The following DCAF5 variants were observed in gnomAD, a reference collection of about 807,000 sequenced individuals.
The protein encoded by DCAF5 is DDB1- and CUL4-associated factor 5.
Under a neutral mutation model 80.7 loss-of-function variants are expected in DCAF5, and 9 were observed. That is an observed-to-expected ratio of 0.11 (90% CI 0.07 to 0.19). The LOEUF (loss-of-function observed/expected upper bound fraction) is 0.19, where lower values mean the gene tolerates loss of function less well. Ranked by LOEUF, DCAF5 falls within the 10% of genes least tolerant of loss-of-function variation. DCAF5 has a pLI of 1.00. For synonymous variants in DCAF5, 433 were observed against 461.9 expected (o/e 0.94, Z 0.80); for missense variants, 842 against 1,205.7 (o/e 0.70, Z 4.47).
chr14:69,142,115 T>G (rs1249481005), intron 1 of DCAF5, among the ~76,000 whole-genome samples: 1 of 152,114 alleles, frequency 6.6e-6, no homozygotes, highest in African/African-American at 2.4e-5. Flanking sequence ...GGCAAAATAG[T>G]GAGATCCTGT....
Position 69,072,005 on chromosome 14 carries a change from T to C in DCAF5, c.946+3340A>G, listed in dbSNP as rs116948447. Among the ~76,000 whole-genome samples, 677 of 152,258 alleles carry C rather than the reference T, an allele frequency of 4.4e-3. 2 individuals are homozygous for C. Among genetic ancestry groups the C allele is most frequent in the Middle Eastern group, 0.01 (3 of 294 alleles). ...GAAGTCTGGGGGTTGCCAATTGACA[T>C]TGACCCAAAGAGGTTTTAGATTGGC... On this transcript the variant is annotated intron_variant, in intron 7 of 8. Coordinates refer to ENST00000341516, the MANE Select transcript of DCAF5 (RefSeq NM_003861.3).
At chr14:69,073,897 G>C (rs1489339097) in intron 7 of DCAF5, among the ~76,000 whole-genome samples, 3 of 152,158 alleles carry the variant, frequency 2.0e-5, no homozygotes, top group African/African-American at 7.2e-5. Context: ...GAATTACAGG[G>C]GTGGGAGACT....
intron 5 of DCAF5, among the ~76,000 whole-genome samples, chr14:69,096,529 A>G (rs1354461507): frequency 6.6e-6 from 1 of 152,204 alleles, no homozygotes; most frequent in East Asian, 1.9e-4. Flanking sequence ...CCCTTTCATG[A>G]AGCACATATG....
intron 1 of DCAF5, among the ~76,000 whole-genome samples, chr14:69,125,329 T>A (rs1283742184): frequency 1.3e-5 from 2 of 152,210 alleles, no homozygotes; most frequent in Admixed American, 6.5e-5. Context: ...AACTGGCCCC[T>A]GGAGTAAACT....
At chr14:69,092,355 G>A (rs1389465808) in intron 5 of DCAF5, among the ~76,000 whole-genome samples, 1 of 152,154 alleles carries the variant, frequency 6.6e-6, no homozygotes. Flanking sequence ...AGTGGTTCAG[G>A]CCTTTAATCC....
chr14:69,112,860 C>T (rs957534750), intron 5 of DCAF5, among the ~76,000 whole-genome samples: 7 of 152,132 alleles, frequency 4.6e-5, no homozygotes, highest in African/African-American at 1.7e-4. Flanking sequence ...GGTGTACTAC[C>T]TGGATCTGTA....
chr14:69,137,232 G>A (rs1047179721), intron 1 of DCAF5, among the ~76,000 whole-genome samples: 1 of 152,064 alleles, frequency 6.6e-6, no homozygotes, highest in Admixed American at 6.5e-5. Flanking sequence ...AATAGAGCTG[G>A]GGGACACTAA....
At chr14:69,083,598 T>C in intron 6 of DCAF5, 1 of 507,892 alleles carries the variant, frequency 2.0e-6, no homozygotes, top group Non-Finnish European at 3.7e-6. Context: ...TATCAGATGC[T>C]CAAAATGGAG....
intron 5 of DCAF5, among the ~76,000 whole-genome samples, chr14:69,094,755 G>C (rs2039641835): frequency 6.6e-6 from 1 of 152,150 alleles, no homozygotes; most frequent in African/African-American, 2.4e-5. Flanking sequence ...CTGGCTTCAA[G>C]TGTAAGATGC....
chr14:69,138,302 C>A lies in DCAF5; in HGVS notation c.214+14463G>T, dbSNP rs148816950. Among the ~76,000 whole-genome samples, 650 of 152,266 alleles carry A rather than the reference C, an allele frequency of 4.3e-3. 6 individuals carry two copies. The highest frequency in any genetic ancestry group is 0.027 in the Middle Eastern group (8 of 294). On this transcript the variant is annotated intron_variant, in intron 1 of 8. Coordinates refer to ENST00000341516, the MANE Select transcript of DCAF5 (RefSeq NM_003861.3). ...GCATCTGGATTTGCAAAGAATTCCT[C>A]CTCCTGAGTAATGTTCTTGGAAGGA...
intron 5 of DCAF5, among the ~76,000 whole-genome samples, chr14:69,099,256 A>ACACC (rs1475152835): frequency 2.8e-5 from 2 of 72,636 alleles, no homozygotes; most frequent in Non-Finnish European, 5.4e-5. Context: ...GTCTCAACAC[A>ACACC]CACACACACA....
chr14:69,059,108 A>T (rs943308709), intron 8 of DCAF5, among the ~76,000 whole-genome samples: 1 of 152,108 alleles, frequency 6.6e-6, no homozygotes, highest in Non-Finnish European at 1.5e-5. Flanking sequence ...TATTTTTGGG[A>T]AAGGGTCTCA....
intron 1 of DCAF5, among the ~76,000 whole-genome samples, chr14:69,141,058 C>T (rs1002873739): frequency 2.1e-5 from 3 of 145,142 alleles, no homozygotes; most frequent in Non-Finnish European, 3.0e-5. Flanking sequence ...TGCTTGAACT[C>T]GGGAGGTGAA....
chr14:69,070,779 T>C (rs868604959), intron 7 of DCAF5, among the ~76,000 whole-genome samples: 4 of 150,128 alleles, frequency 2.7e-5, no homozygotes, highest in Admixed American at 6.7e-5. Context: ...CTTCCTCTAA[T>C]TTTTATTTTT....
intron 1 of DCAF5, among the ~76,000 whole-genome samples, chr14:69,134,357 G>A (rs543856626): frequency 9.8e-4 from 149 of 152,298 alleles, no homozygotes; most frequent in Non-Finnish European, 1.0e-3. Context: ...GTAATGTCAA[G>A]TTTCTTTCAA....
intron 2 of DCAF5, among the ~76,000 whole-genome samples, chr14:69,120,099 T>C (rs927707887): frequency 3.0e-4 from 46 of 152,264 alleles, no homozygotes; most frequent in African/African-American, 9.1e-4. Flanking sequence ...TCTTCTTTCT[T>C]TCGAGACAGG....
chr14:69,148,187 A>G (rs987920887), intron 1 of DCAF5, among the ~76,000 whole-genome samples: 1 of 152,038 alleles, frequency 6.6e-6, no homozygotes, highest in Non-Finnish European at 1.5e-5. Flanking sequence ...AGGCAATGAG[A>G]GCAATTTAGA....
chr14:69,091,979 G>C (rs1168299738), intron 5 of DCAF5, 92 bp from the exon 6 acceptor site: 2 of 1,058,454 alleles, frequency 1.9e-6, no homozygotes, highest in Non-Finnish European at 2.8e-6. Flanking sequence ...TGTCAAGCTT[G>C]CATAGCTGAA....
intron 5 of DCAF5, among the ~76,000 whole-genome samples, chr14:69,106,985 TGA>T (rs1409743721): frequency 6.6e-6 from 1 of 152,158 alleles, no homozygotes; most frequent in East Asian, 1.9e-4. Context: ...GAAGCTGCAG[TGA>T]GCCGAGATTG....
Sources: gnomAD v4.1 joint callset for allele counts (sites outside exome capture counted in the v4.1 genomes callset) on GRCh38, gnomAD v4.1.1 for gene constraint, MANE v1.5 for transcripts, NCBI Gene and HGNC (gene_info 2026-07-23, HGNC 2026-07-21) for gene names.